The following VPS13A variants were observed in gnomAD, a reference collection of about 807,000 sequenced individuals.
VPS13A encodes the protein vacuolar protein sorting 13 homolog A.
In VPS13A, 264 loss-of-function variants were observed where a neutral mutation model predicts 390.9. That is an observed-to-expected ratio of 0.68 (90% CI 0.61 to 0.75). The LOEUF (loss-of-function observed/expected upper bound fraction) is 0.75, where lower values mean the gene tolerates loss of function less well. VPS13A is among the 30% of genes least tolerant of loss of function. VPS13A has a pLI of 0.00. For synonymous variants in VPS13A, 1,231 were observed against 1,227.1 expected (o/e 1.00, Z -0.07); for missense variants, 3,409 against 3,733.9 (o/e 0.91, Z 2.27).
chr9:77,384,791 T>C, intron 68 of VPS13A: 1 of 1,501,238 alleles, frequency 6.7e-7, no homozygotes, highest in African/African-American at 1.4e-5. Flanking sequence ...CACATTTTCT[T>C]TTAAAATGTT....
intron 3 of VPS13A, 90 bp downstream of exon 3, chr9:77,201,497 T>C: frequency 9.0e-7 from 1 of 1,112,268 alleles, no homozygotes; most frequent in Non-Finnish European, 1.4e-6. Flanking sequence ...ATATTTTTCA[T>C]GTTTCTGAGC....
Position 77,314,536 on chromosome 9 carries a change from T to G in VPS13A, c.4284T>G (p.Ala1428=). 1 of 1,612,528 alleles carries G rather than the reference T, an allele frequency of 6.2e-7. No homozygotes were observed. Among genetic ancestry groups the G allele is most frequent in the Non-Finnish European group, 8.5e-7 (1 of 1,179,348 alleles). ...TTCGTGATCCTTCTCTGAAACTTGC[T>G]GAATTTAAATTGGAGAATATTATAA... ...TDVRDPSLKL[A]EFKLENIIST... is the part of the protein sequence containing the mutation. The change falls in exon 37 of 72, where the codon GCT becomes GCG. Residue 1428 remains alanine (A), a synonymous_variant. Transcript: ENST00000360280.
chr9:77,280,078 T>C, intron 26 of VPS13A, 81 bp from the exon 27 acceptor site: 1 of 1,095,724 alleles, frequency 9.1e-7, no homozygotes, highest in South Asian at 1.4e-5. Flanking sequence ...TCTTTTGCAA[T>C]TACATAATTA....
At chr9:77,297,448 A>G (rs1205555296) in intron 33 of VPS13A, among the ~76,000 whole-genome samples, 1 of 152,074 alleles carries the variant, frequency 6.6e-6, no homozygotes, top group Non-Finnish European at 1.5e-5. Flanking sequence ...TAATTATGGT[A>G]AAACAATAGT....
intron 23 of VPS13A, among the ~76,000 whole-genome samples, chr9:77,265,916 G>A (rs780227041): frequency 2.0e-5 from 3 of 152,144 alleles, no homozygotes; most frequent in Middle Eastern, 3.4e-3. Flanking sequence ...GATCTTTCCC[G>A]CTTTCTCCTG....
intron 23 of VPS13A, among the ~76,000 whole-genome samples, chr9:77,265,435 T>C (rs1272680858): frequency 6.6e-6 from 1 of 152,194 alleles, no homozygotes; most frequent in Non-Finnish European, 1.5e-5. Flanking sequence ...GTGGGCTTTT[T>C]TTGGTTGATA....
chr9:77,260,517 G>A (rs924832487), intron 23 of VPS13A, among the ~76,000 whole-genome samples: 3 of 151,140 alleles, frequency 2.0e-5, no homozygotes, highest in African/African-American at 4.9e-5. Flanking sequence ...CACCACGCCC[G>A]GCTAATTTTT....
chr9:77,344,476 G>A (rs1052961450), intron 51 of VPS13A, among the ~76,000 whole-genome samples, 195 bp downstream of exon 51: 3 of 152,094 alleles, frequency 2.0e-5, no homozygotes, highest in African/African-American at 7.2e-5. Flanking sequence ...AGTTAGTTGG[G>A]GCCGGGTGCG....
Position 77,406,738 on chromosome 9 carries a change from AGAAG to A in VPS13A, c.9399+752_9399+755del, listed in dbSNP as rs994731314. 2.1e-3 allele frequency among the ~76,000 whole-genome samples: 286 copies of A among 133,276 alleles called. 1 individual carries two copies. The highest frequency in any genetic ancestry group is 7.3e-3 in the African/African-American group (264 of 36,220). The allele number at this position is 133,276 out of a possible 152,430, so 87.4% of individuals were successfully genotyped here. Reference sequence around the variant, plus strand: ...AGCCTCATCTTTTTTTTTTTTAATTAGAAGAAAGAATGTAATTCTTCTAGTGTCT... The same window carrying A: ...AGCCTCATCTTTTTTTTTTTTAATTAAAAGAATGTAATTCTTCTAGTGTCT... On this transcript the variant is annotated intron_variant, in intron 70 of 71. Transcript: ENST00000360280.
chr9:77,360,241 A>G (rs1353543361), intron 58 of VPS13A, among the ~76,000 whole-genome samples: 1 of 152,102 alleles, frequency 6.6e-6, no homozygotes, highest in African/African-American at 2.4e-5. Context: ...TTTTATTAAA[A>G]TTTATTCATT....
intron 31 of VPS13A, among the ~76,000 whole-genome samples, chr9:77,284,827 G>C (rs894388950): frequency 6.6e-6 from 1 of 151,522 alleles, no homozygotes; most frequent in African/African-American, 2.4e-5. Flanking sequence ...CCTCAGCCTC[G>C]TGAGTGGCTG....
chr9:77,265,021 A>G (rs936669639), intron 23 of VPS13A, among the ~76,000 whole-genome samples: 23 of 152,112 alleles, frequency 1.5e-4, no homozygotes, highest in African/African-American at 5.6e-4. Flanking sequence ...GTTGAATTTT[A>G]TCGAAGGCCT....
At chr9:77,240,734 A>G (rs560594262) in intron 19 of VPS13A, among the ~76,000 whole-genome samples, 1 of 152,058 alleles carries the variant, frequency 6.6e-6, no homozygotes, top group East Asian at 1.9e-4. Context: ...TCAGCCTCCC[A>G]AAGTGCTGGG....
intron 68 of VPS13A, among the ~76,000 whole-genome samples, chr9:77,393,204 C>G (rs1446041639): frequency 6.6e-6 from 1 of 152,204 alleles, no homozygotes; most frequent in Non-Finnish European, 1.5e-5. Flanking sequence ...CCATAAGAAG[C>G]AATTTCTCCT....
rs777789578 is a variant in VPS13A, at chr9:77,252,247, G to C, written c.2183G>C (p.Arg728Thr). 16 of 1,613,416 alleles carry C rather than the reference G, an allele frequency of 9.9e-6. No homozygotes were observed. Among genetic ancestry groups the C allele is most frequent in the Middle Eastern group, 3.3e-4 (2 of 6,060 alleles). The part of the protein sequence containing the change: ...LLYSRVGDNW[R>T]EARKLSVSTQ... ...TTTCTGTACTTAGGTGATAATTGGA[G>C]AGAAGCACGAAAACTCAGTGTATCT... Residue 728 changes from arginine (R) to threonine (T), a missense_variant, in exon 22 of 72, where the codon AGA (arginine) becomes ACA (threonine). Arg to Thr is a moderately conservative substitution (Grantham distance 71). This residue lies in a region of VPS13A where 2,717 missense variants were observed against 2,917.4 expected (regional missense o/e 0.93). Coordinates refer to ENST00000360280, the MANE Select transcript of VPS13A (RefSeq NM_033305.3).
At chr9:77,409,371 A>T (rs953665519) in intron 71 of VPS13A, among the ~76,000 whole-genome samples, 2 of 152,240 alleles carry the variant, frequency 1.3e-5, no homozygotes, top group Non-Finnish European at 2.9e-5. Flanking sequence ...GAAAATCTGG[A>T]AACTCTAAAA....
chr9:77,252,411 A>C (rs1448632746), intron 22 of VPS13A, 59 bp downstream of exon 22: 4 of 1,330,782 alleles, frequency 3.0e-6, no homozygotes, highest in Non-Finnish European at 4.3e-6. Context: ...TAGCTAGGGA[A>C]ATACCATACT....
intron 55 of VPS13A, among the ~76,000 whole-genome samples, chr9:77,357,118 G>A (rs926644534): frequency 4.0e-5 from 6 of 151,766 alleles, no homozygotes; most frequent in African/African-American, 1.5e-4. Context: ...TCAGGAGTTC[G>A]AGACCAGCCT....
intron 65 of VPS13A, 146 bp from the exon 66 acceptor site, chr9:77,370,744 T>C: frequency 7.6e-7 from 1 of 1,322,566 alleles, no homozygotes; most frequent in Non-Finnish European, 1.1e-6. Context: ...CTCTAAAACA[T>C]TCTGTTTAAA....
Sources: gnomAD v4.1 joint callset for allele counts (sites outside exome capture counted in the v4.1 genomes callset) on GRCh38, gnomAD v4.1.1 for gene constraint, gnomAD v4.1.1 regional missense constraint, MANE v1.5 for transcripts, NCBI Gene and HGNC (gene_info 2026-07-23, HGNC 2026-07-21) for gene names.